ZNF475: variants seen among roughly 807,000 people sequenced by gnomAD.
ZNF475 encodes the protein zinc finger protein 475.
At chr5:122,174,894 A>C in the ZNF475 span, among the ~76,000 whole-genome samples, 1 of 152,240 alleles carries the variant, frequency 6.6e-6, no homozygotes. Flanking sequence ...CATGTTAAAA[A>C]AATAGTAAGA....
chr5:122,180,036 T>A, the ZNF475 span: 1 of 171,738 alleles, frequency 5.8e-6, no homozygotes, highest in Non-Finnish European at 1.2e-5. Flanking sequence ...AAATAAATAA[T>A]AAAATACTTA....
chr5:122,160,549 C>A, the ZNF475 span, among the ~76,000 whole-genome samples: 1 of 152,116 alleles, frequency 6.6e-6, no homozygotes, highest in Non-Finnish European at 1.5e-5. Flanking sequence ...GTGATAGATA[C>A]AACTACATCT....
chr5:122,172,517 A>G, the ZNF475 span, among the ~76,000 whole-genome samples: 1 of 152,210 alleles, frequency 6.6e-6, no homozygotes, highest in Non-Finnish European at 1.5e-5. Context: ...AGTCGATATC[A>G]TATCCACAGT....
chr5:122,161,728 T>G, the ZNF475 span, among the ~76,000 whole-genome samples: 1 of 152,204 alleles, frequency 6.6e-6, no homozygotes, highest in Non-Finnish European at 1.5e-5. Context: ...TTCTTCCATT[T>G]TCCCTTGTTT....
At chr5:122,165,748 A>T in the ZNF475 span, among the ~76,000 whole-genome samples, 1 of 145,470 alleles carries the variant, frequency 6.9e-6, no homozygotes, top group Admixed American at 6.8e-5. Context: ...TGATGTACGG[A>T]TGATGCAACC....
the ZNF475 span, among the ~76,000 whole-genome samples, chr5:122,175,498 A>G: frequency 1.3e-5 from 2 of 152,202 alleles, no homozygotes; most frequent in African/African-American, 4.8e-5. Context: ...CTTTTCCATT[A>G]TTCAGTGAAT....
chr5:122,181,181 A>G, the ZNF475 span, among the ~76,000 whole-genome samples: 106 of 152,204 alleles, frequency 7.0e-4, no homozygotes, highest in Non-Finnish European at 1.3e-3. Flanking sequence ...ATCTCTGAGG[A>G]TGCCCTTCCT....
the ZNF475 span, among the ~76,000 whole-genome samples, chr5:122,168,675 T>C: frequency 3.3e-5 from 5 of 152,206 alleles, no homozygotes; most frequent in Non-Finnish European, 7.3e-5. Context: ...ATCGTGCCAC[T>C]GCACTGCAGG....
chr5:122,174,733 A>G, the ZNF475 span, among the ~76,000 whole-genome samples: 2 of 152,140 alleles, frequency 1.3e-5, no homozygotes, highest in Non-Finnish European at 2.9e-5. Context: ...GACCCATGCT[A>G]TTTATTGTGC....
chr5:122,168,809 C>T, the ZNF475 span, among the ~76,000 whole-genome samples: 1 of 152,194 alleles, frequency 6.6e-6, no homozygotes, highest in Non-Finnish European at 1.5e-5. Context: ...CAGGACTCAA[C>T]ACAATCCCCA....
At chr5:122,164,024 C>A in the ZNF475 span, among the ~76,000 whole-genome samples, 2 of 152,030 alleles carry the variant, frequency 1.3e-5, no homozygotes, top group Admixed American at 1.3e-4. Flanking sequence ...GTCAATGACT[C>A]AGTCTTTCGA....
chr5:122,170,341 G>A, the ZNF475 span, among the ~76,000 whole-genome samples: 30 of 152,244 alleles, frequency 2.0e-4, no homozygotes, highest in Non-Finnish European at 3.7e-4. Flanking sequence ...CTACTGGGAC[G>A]CCAGGTTACT....
chr5:122,169,501 A>G, the ZNF475 span, among the ~76,000 whole-genome samples: 4 of 152,310 alleles, frequency 2.6e-5, no homozygotes, highest in Middle Eastern at 6.8e-3. Flanking sequence ...GGCCTCTAGC[A>G]TGGGGAATAG....
chr5:122,174,837 AT>A, the ZNF475 span, among the ~76,000 whole-genome samples: 368 of 152,312 alleles, frequency 2.4e-3, 3 homozygotes, highest in Non-Finnish European at 3.9e-3. Flanking sequence ...ATAACTTCTC[AT>A]TTTAAACTAA....
the ZNF475 span, among the ~76,000 whole-genome samples, chr5:122,163,838 C>T: frequency 2.6e-5 from 4 of 152,212 alleles, no homozygotes; most frequent in African/African-American, 7.2e-5. Flanking sequence ...TAAAGTACAG[C>T]TTCTTTTGCC....
the ZNF475 span, among the ~76,000 whole-genome samples, chr5:122,161,375 A>T: frequency 0.13 from 20,376 of 152,146 alleles, 1,371 homozygotes; most frequent in South Asian, 0.2. Flanking sequence ...TAAAGGTATC[A>T]CTGGTCCCAT....
At chr5:122,163,951 C>CG in the ZNF475 span, among the ~76,000 whole-genome samples, 1 of 146,482 alleles carries the variant, frequency 6.8e-6, no homozygotes, top group African/African-American at 2.5e-5. Context: ...TCTGTGTCAC[C>CG]TTTTTTTTTT....
At chr5:122,179,833 TCAA>T in the ZNF475 span, 3 of 809,084 alleles carry the variant, frequency 3.7e-6, no homozygotes, top group East Asian at 2.9e-5. Context: ...ACGACCAAAA[TCAA>T]CAACATTTCT....
chr5:122,182,614 G>T, the ZNF475 span: 2 of 1,534,864 alleles, frequency 1.3e-6, no homozygotes, highest in South Asian at 2.4e-5. Context: ...GTTCACCAAC[G>T]ATCTTGTAAA....
Sources: allele counts gnomAD v4.1 joint callset (sites outside exome capture counted in the v4.1 genomes callset), GRCh38; gene constraint gnomAD v4.1.1; transcripts MANE v1.5; gene names NCBI Gene and HGNC (gene_info 2026-07-23, HGNC 2026-07-21).